FRMD4A: variants seen among roughly 807,000 people sequenced by gnomAD.
FRMD4A encodes the protein FERM domain-containing protein 4A.
In FRMD4A, 29 loss-of-function variants were observed where a neutral mutation model predicts 129.1. The observed-to-expected ratio is 0.22, with a 90% confidence interval of 0.17 to 0.31. FRMD4A has a LOEUF of 0.31. FRMD4A is among the 10% of genes least tolerant of loss of function. FRMD4A has a pLI of 1.00. For synonymous variants in FRMD4A, 634 were observed against 571.6 expected (o/e 1.11, Z -1.56); for missense variants, 1,272 against 1,375.8 (o/e 0.92, Z 1.19).
chr10:14,153,676 G>C (rs1431124821), intron 2 of FRMD4A, among the ~76,000 whole-genome samples: 2 of 152,164 alleles, frequency 1.3e-5, no homozygotes, highest in African/African-American at 2.4e-5. Flanking sequence ...GTCTCCATGC[G>C]CCTGCTCCCC....
chr10:14,041,293 T>G (rs1044684040), intron 2 of FRMD4A, among the ~76,000 whole-genome samples: 18 of 152,240 alleles, frequency 1.2e-4, no homozygotes, highest in Admixed American at 7.8e-4. Context: ...CTTGGTTCCT[T>G]ATCTCTTTTT....
intron 8 of FRMD4A, among the ~76,000 whole-genome samples, chr10:13,748,551 G>A (rs540315714): frequency 6.6e-6 from 1 of 152,236 alleles, no homozygotes; most frequent in East Asian, 1.9e-4. Flanking sequence ...TGAGTTTGGA[G>A]CATGTTGGAT....
intron 12 of FRMD4A, among the ~76,000 whole-genome samples, chr10:13,731,113 G>A (rs530955425): frequency 2.2e-4 from 34 of 151,612 alleles, no homozygotes; most frequent in Admixed American, 1.1e-3. Context: ...GTAAGATCCC[G>A]TCAGCACCGT....
chr10:13,982,654 A>T (rs1317086985), intron 2 of FRMD4A, among the ~76,000 whole-genome samples: 2 of 152,246 alleles, frequency 1.3e-5, no homozygotes, highest in African/African-American at 4.8e-5. Flanking sequence ...CTTCCCACTC[A>T]GTCCATTAGA....
In FRMD4A at chr10:13,670,468, C is replaced by T; in HGVS notation, c.1312G>A (p.Val438Ile). ...AAGGCTGTTCCTATTCTTCTCCGAA[C>T]AATGGGTGGTTCCTCCCCTGGATCC... ...PLDPGEEPPI[V>I]RRRIGTAFKL... Residue 438 changes from valine (V) to isoleucine (I), a missense_variant, in exon 17 of 25, where the codon GTT becomes ATT. This residue lies in a region of FRMD4A where 972 missense variants were observed against 892.3 expected (regional missense o/e 1.09). Coordinates refer to ENST00000357447, the MANE Select transcript of FRMD4A (RefSeq NM_018027.5). 1 of 1,613,366 alleles carries T rather than the reference C, an allele frequency of 6.2e-7. No individual in the cohort carries two copies. Among genetic ancestry groups the T allele is most frequent in the South Asian group, 1.1e-5 (1 of 91,064 alleles).
intron 2 of FRMD4A, among the ~76,000 whole-genome samples, chr10:14,181,693 T>C (rs1017659507): frequency 2.0e-5 from 3 of 152,166 alleles, no homozygotes; most frequent in African/African-American, 7.2e-5. Context: ...ATGATTACCA[T>C]GAATTTTTTT....
chr10:13,825,834 G>A (rs545460358), intron 3 of FRMD4A, among the ~76,000 whole-genome samples: 4 of 152,294 alleles, frequency 2.6e-5, no homozygotes, highest in South Asian at 2.1e-4. Context: ...AAGTAACACC[G>A]CAGATAAGAA....
intron 2 of FRMD4A, among the ~76,000 whole-genome samples, chr10:14,250,903 G>A (rs771220490): frequency 1.4e-4 from 22 of 152,090 alleles, no homozygotes; most frequent in Admixed American, 1.2e-3. Flanking sequence ...AACATAATAC[G>A]AGGCCAATTT....
At chr10:14,213,256 T>C (rs1842980768) in intron 2 of FRMD4A, among the ~76,000 whole-genome samples, 1 of 152,068 alleles carries the variant, frequency 6.6e-6, no homozygotes. Context: ...AATAAATAAA[T>C]AAATAAACAA....
chr10:13,815,722 A>G (rs1272767670), intron 3 of FRMD4A, among the ~76,000 whole-genome samples: 2 of 152,246 alleles, frequency 1.3e-5, no homozygotes, highest in African/African-American at 4.8e-5. Context: ...TGAGGGCTAC[A>G]TGACTCACTT....
intron 2 of FRMD4A, among the ~76,000 whole-genome samples, chr10:14,030,507 G>C (rs1232344135): frequency 6.6e-6 from 1 of 152,186 alleles, no homozygotes; most frequent in Non-Finnish European, 1.5e-5. Flanking sequence ...TGTCTATCAA[G>C]CTTCTGCCTT....
intron 2 of FRMD4A, among the ~76,000 whole-genome samples, chr10:13,895,930 A>G (rs141088056): frequency 0.017 from 2,555 of 152,326 alleles, 42 homozygotes; most frequent in Non-Finnish European, 0.024. Flanking sequence ...TCTCGTCATC[A>G]CTGGTCATCA....
chr10:13,818,144 A>C (rs1013657198), intron 3 of FRMD4A, among the ~76,000 whole-genome samples: 24 of 152,086 alleles, frequency 1.6e-4, no homozygotes, highest in African/African-American at 5.6e-4. Context: ...GAATTCCTAT[A>C]CTAAGACATT....
chr10:13,891,658 ACT>A, intron 2 of FRMD4A: 2 of 985,156 alleles, frequency 2.0e-6, no homozygotes, highest in Non-Finnish European at 2.4e-6. Flanking sequence ...GATCCGAGGA[ACT>A]TCTGGCTGCA....
intron 2 of FRMD4A, among the ~76,000 whole-genome samples, chr10:14,013,160 G>A (rs948814847): frequency 5.3e-5 from 8 of 152,152 alleles, no homozygotes; most frequent in East Asian, 1.9e-4. Context: ...CAAAAAAGGC[G>A]AAATACCACT....
chr10:14,023,231 G>A (rs972549853), intron 2 of FRMD4A, among the ~76,000 whole-genome samples: 5 of 152,096 alleles, frequency 3.3e-5, no homozygotes, highest in Admixed American at 6.5e-5. Flanking sequence ...GAATGAATGC[G>A]AGTCGCCCAG....
At chr10:14,329,995 C>T in intron 2 of FRMD4A, 63 bp downstream of exon 2, 3 of 1,463,746 alleles carry the variant, frequency 2.0e-6, no homozygotes, top group Non-Finnish European at 2.8e-6. Flanking sequence ...CAGCAGCAGC[C>T]CACGGTGCAG....
intron 2 of FRMD4A, among the ~76,000 whole-genome samples, chr10:13,975,565 TC>T (rs1331134085): frequency 1.3e-5 from 2 of 152,022 alleles, no homozygotes; most frequent in African/African-American, 4.8e-5. Context: ...TATGTGTGTG[TC>T]TGTGTCTGTC....
At position 14,202,479 on chromosome 10, in the gene FRMD4A, G is replaced by A. The variant is rs377661252; in HGVS notation, c.45+127579C>T. 9.9e-5 allele frequency among the ~76,000 whole-genome samples: 15 copies of A among 152,272 alleles called. No individual in the cohort carries two copies. The East Asian group carries it at 2.1e-3, about 22-fold the overall frequency. ...TGCAGTGGCGCTATCTCGGCTCACT[G>A]CAACCTGCGCCTCCTGGGTTCAAGC... On this transcript the variant is annotated intron_variant, in intron 2 of 24. Transcript: ENST00000357447.
Sources: gnomAD v4.1 joint callset for allele counts (sites outside exome capture counted in the v4.1 genomes callset) on GRCh38, gnomAD v4.1.1 for gene constraint, gnomAD v4.1.1 regional missense constraint, MANE v1.5 for transcripts, NCBI Gene and HGNC (gene_info 2026-07-23, HGNC 2026-07-21) for gene names.